ABCA12: variants seen among roughly 807,000 people sequenced by gnomAD.
ABCA12 encodes the protein glucosylceramide transporter ABCA12.
In ABCA12, 156 loss-of-function variants were observed where a neutral mutation model predicts 293.5. The observed-to-expected ratio is 0.53, with a 90% confidence interval of 0.47 to 0.61. The LOEUF is 0.61. Ranked by LOEUF, ABCA12 falls within the 20% of genes least tolerant of loss-of-function variation. The pLI, the probability that ABCA12 is intolerant of heterozygous loss-of-function variation, is 0.00. For synonymous variants in ABCA12, 1,063 were observed against 1,108.0 expected, an observed-to-expected ratio of 0.96 and a Z score of 0.81; for missense variants, 2,797 against 3,090.2, an observed-to-expected ratio of 0.91 and a Z score of 2.25.
At chr2:215,128,181 A>G (rs900728134) in intron 1 of ABCA12, among the ~76,000 whole-genome samples, 2 of 152,102 alleles carry the variant, frequency 1.3e-5, no homozygotes, top group Non-Finnish European at 2.9e-5. Context: ...TGATCTGGTA[A>G]GTTTTCCTTT....
intron 2 of ABCA12, among the ~76,000 whole-genome samples, chr2:215,094,086 A>G (rs1315712618): frequency 2.0e-5 from 3 of 152,136 alleles, no homozygotes; most frequent in African/African-American, 7.2e-5. Flanking sequence ...GTGTTAACTC[A>G]GGCCCTCACT....
chr2:215,030,359 C>G, intron 9 of ABCA12: 1 of 152,084 alleles, frequency 6.6e-6, no homozygotes, highest in East Asian at 1.9e-4. Context: ...CTTTGAGAGG[C>G]CGAGGCGGGC....
intron 1 of ABCA12, among the ~76,000 whole-genome samples, chr2:215,123,651 A>C (rs1009237285): frequency 6.6e-6 from 1 of 152,212 alleles, no homozygotes; most frequent in Non-Finnish European, 1.5e-5. Context: ...ATATTTCCAT[A>C]CTGTTTTCCA....
At chr2:215,032,240 T>G in intron 8 of ABCA12, 1 of 518,458 alleles carries the variant, frequency 1.9e-6, no homozygotes, top group Non-Finnish European at 2.7e-6. Context: ...TACCACGTGA[T>G]TTGTTAATCA....
intron 51 of ABCA12, among the ~76,000 whole-genome samples, chr2:214,934,972 T>C (rs948604411): frequency 6.6e-6 from 1 of 152,202 alleles, no homozygotes; most frequent in African/African-American, 2.4e-5. Flanking sequence ...CTCTGTACAC[T>C]TAACTTTCTT....
intron 17 of ABCA12, 27 bp downstream of exon 17, chr2:215,011,412 G>T: frequency 6.5e-7 from 1 of 1,533,102 alleles, no homozygotes; most frequent in Non-Finnish European, 9.0e-7. Context: ...AAGGGCAACT[G>T]TCATGCTTAT....
intron 36 of ABCA12, among the ~76,000 whole-genome samples, chr2:214,973,639 AT>A (rs1171792250): frequency 4.6e-5 from 7 of 152,060 alleles, no homozygotes; most frequent in Non-Finnish European, 1.0e-4. Context: ...TTATGGTCTC[AT>A]TTTTTCCTGT....
At chr2:215,080,117 C>T (rs770184470) in intron 2 of ABCA12, among the ~76,000 whole-genome samples, 4 of 152,104 alleles carry the variant, frequency 2.6e-5, no homozygotes, top group Non-Finnish European at 5.9e-5. Flanking sequence ...TTTTCCTGCT[C>T]TGCTTGCTTA....
chr2:215,023,575 A>G (rs1181979843), intron 11 of ABCA12: 2 of 152,176 alleles, frequency 1.3e-5, no homozygotes, highest in East Asian at 1.9e-4. Flanking sequence ...TCCCTAGTGT[A>G]TATTATGTGC....
At chr2:215,045,777 AT>A (rs1195109329) in intron 7 of ABCA12, 59 bp downstream of exon 7, 168 of 1,497,820 alleles carry the variant, frequency 1.1e-4, no homozygotes, top group Non-Finnish European at 5.4e-5. Context: ...CACAGGTAAC[AT>A]TTTTTTAAAC....
At chr2:215,035,942 ATTAAGTTCTTAAGCCT>A (rs1473340132) in intron 8 of ABCA12, 1 of 152,196 alleles carries the variant, frequency 6.6e-6, no homozygotes, top group African/African-American at 2.4e-5. Context: ...AAGGAGAACC[ATTAAGTTCTTAAGCCT>A]TTAAAATGCA....
intron 23 of ABCA12, among the ~76,000 whole-genome samples, chr2:214,995,613 A>G (rs1303414885): frequency 1.3e-5 from 2 of 152,148 alleles, no homozygotes; most frequent in Non-Finnish European, 2.9e-5. Flanking sequence ...AGGAGTTTAG[A>G]TGAGAACTGT....
chr2:215,070,998 T>C (rs1701725384), intron 2 of ABCA12, among the ~76,000 whole-genome samples: 1 of 151,660 alleles, frequency 6.6e-6, no homozygotes, highest in South Asian at 2.1e-4. Flanking sequence ...CTGGGCAACA[T>C]GGCGAAACCC....
At chr2:215,084,044 C>CA (rs1356273743) in intron 2 of ABCA12, among the ~76,000 whole-genome samples, 4 of 151,992 alleles carry the variant, frequency 2.6e-5, no homozygotes, top group Admixed American at 6.6e-5. Flanking sequence ...GTGACATGAT[C>CA]ATAGCTCACT....
At chr2:215,108,471 C>A (rs1228924025) in intron 2 of ABCA12, among the ~76,000 whole-genome samples, 4 of 152,232 alleles carry the variant, frequency 2.6e-5, no homozygotes, top group East Asian at 3.9e-4. Flanking sequence ...TGGGGCCAGA[C>A]TGCTTGGTTT....
intron 39 of ABCA12, chr2:214,960,467 A>T (rs1699080862): frequency 6.6e-6 from 1 of 152,146 alleles, no homozygotes; most frequent in Non-Finnish European, 1.5e-5. Flanking sequence ...ATCCTGTGGA[A>T]CCAGTTTTTT....
intron 2 of ABCA12, among the ~76,000 whole-genome samples, chr2:215,083,847 T>C (rs1221920822): frequency 6.6e-6 from 1 of 152,202 alleles, no homozygotes; most frequent in East Asian, 1.9e-4. Context: ...TATTTTCCCC[T>C]TAAGCTACCA....
chr2:214,955,428 T>C (rs1698915719), intron 42 of ABCA12, 67 bp from the exon 43 acceptor site: 22 of 1,532,016 alleles, frequency 1.4e-5, no homozygotes, highest in Non-Finnish European at 1.9e-5. Context: ...ACACCTGTAA[T>C]CCTAACACTT....
chr2:214,951,104 T>C, intron 44 of ABCA12, 21 bp from the exon 45 acceptor site: 1 of 1,599,320 alleles, frequency 6.3e-7, no homozygotes, highest in Non-Finnish European at 8.6e-7. Context: ...ACCCAGTGAT[T>C]TTACGTCAAT....
Sources: allele counts gnomAD v4.1 joint callset (sites outside exome capture counted in the v4.1 genomes callset), GRCh38; gene constraint gnomAD v4.1.1; transcripts MANE v1.5; gene names NCBI Gene and HGNC (gene_info 2026-07-23, HGNC 2026-07-21).